SHTN1: variants seen among roughly 807,000 people sequenced by gnomAD.
The protein encoded by SHTN1 is shootin 1.
SHTN1 carries 42 observed loss-of-function variants against 83.1 expected under a neutral mutation model. That is an observed-to-expected ratio of 0.51 (90% CI 0.39 to 0.65). SHTN1 has a LOEUF of 0.65. Among genes scored for constraint, SHTN1 ranks in the 30% least tolerant of loss-of-function variants. The pLI, the probability that SHTN1 is intolerant of heterozygous loss-of-function variation, is 0.00. For missense variants in SHTN1, 622 were observed against 737.8 expected, an observed-to-expected ratio of 0.84 and a Z score of 1.82; for synonymous variants, 224 against 247.7, an observed-to-expected ratio of 0.90 and a Z score of 0.90.
intron 3 of SHTN1, among the ~76,000 whole-genome samples, chr10:116,966,752 C>G (rs1850410084): frequency 6.6e-6 from 1 of 152,120 alleles, no homozygotes; most frequent in African/African-American, 2.4e-5. Flanking sequence ...ATTTTATAAG[C>G]CCAACCATAA....
chr10:117,109,122 G>A (rs1853722250), intron 1 of SHTN1, among the ~76,000 whole-genome samples: 2 of 152,162 alleles, frequency 1.3e-5, no homozygotes, highest in Non-Finnish European at 2.9e-5. Context: ...CCTTGATTGC[G>A]CATTGTAATC....
upstream of SHTN1, chr10:117,005,667 C>G: frequency 7.4e-6 from 6 of 814,292 alleles, no homozygotes; most frequent in Non-Finnish European, 8.9e-6. Context: ...CAGGGGCGGG[C>G]CCAGGGTGGT....
At chr10:117,044,612 A>C (rs560767466) in intron 2 of SHTN1, among the ~76,000 whole-genome samples, 1 of 152,284 alleles carries the variant, frequency 6.6e-6, no homozygotes, top group South Asian at 2.1e-4. Flanking sequence ...GGGAGTCTAT[A>C]AGTACCCAAA....
At chr10:117,000,478 C>A (rs935889097) in intron 1 of SHTN1, among the ~76,000 whole-genome samples, 1 of 152,100 alleles carries the variant, frequency 6.6e-6, no homozygotes, top group African/African-American at 2.4e-5. Context: ...GCTTTAAAAC[C>A]AATTACCTCA....
chr10:117,089,857 A>T, intron 1 of SHTN1, among the ~76,000 whole-genome samples: 1 of 152,210 alleles, frequency 6.6e-6, no homozygotes, highest in East Asian at 1.9e-4. Context: ...CAAACCCACA[A>T]TGAAACACCA....
At chr10:116,985,483 T>G (rs572622958) in intron 1 of SHTN1, among the ~76,000 whole-genome samples, 2 of 152,258 alleles carry the variant, frequency 1.3e-5, no homozygotes, top group Admixed American at 1.3e-4. Context: ...CTATCCAGAT[T>G]CCCATATCTA....
chr10:116,926,141 C>G (rs1265431514), intron 11 of SHTN1, among the ~76,000 whole-genome samples: 1 of 152,128 alleles, frequency 6.6e-6, no homozygotes, highest in African/African-American at 2.4e-5. Context: ...TAGTCCTGAA[C>G]ATTCGTTTCT....
chr10:116,925,085 G>A (rs976592375), intron 11 of SHTN1, among the ~76,000 whole-genome samples: 4 of 152,112 alleles, frequency 2.6e-5, no homozygotes, highest in Admixed American at 1.3e-4. Flanking sequence ...AGAGGTGTTC[G>A]TCATGTCCAC....
intron 1 of SHTN1, among the ~76,000 whole-genome samples, chr10:117,087,535 CA>C (rs1472702742): frequency 1.3e-5 from 2 of 151,906 alleles, no homozygotes; most frequent in African/African-American, 4.8e-5. Context: ...TATACACATA[CA>C]AAAAGGAAAA....
chr10:117,024,670 T>C (rs910757247), intron 2 of SHTN1, among the ~76,000 whole-genome samples: 88 of 152,240 alleles, frequency 5.8e-4, no homozygotes, highest in Non-Finnish European at 1.0e-3. Context: ...CATGTAAATT[T>C]TACCTTAAAG....
At chr10:117,117,510 T>G (rs933607905) in intron 1 of SHTN1, among the ~76,000 whole-genome samples, 10 of 152,138 alleles carry the variant, frequency 6.6e-5, no homozygotes, top group African/African-American at 2.4e-4. Flanking sequence ...AAAATACCAA[T>G]GACATTCTTC....
At chr10:116,945,602 A>C (rs1443366203) in intron 7 of SHTN1, among the ~76,000 whole-genome samples, 2 of 152,236 alleles carry the variant, frequency 1.3e-5, no homozygotes, top group Admixed American at 1.3e-4. Context: ...TTAGGAATCA[A>C]GGAAATGCAG....
intron 8 of SHTN1, among the ~76,000 whole-genome samples, chr10:116,944,721 T>C (rs192254831): frequency 7.6e-4 from 116 of 151,916 alleles, no homozygotes; most frequent in African/African-American, 2.7e-3. Context: ...TGAAACCCCA[T>C]CTCTAATAAA....
intron 1 of SHTN1, among the ~76,000 whole-genome samples, chr10:117,098,391 C>A (rs1853538360): frequency 1.0e-5 from 1 of 99,414 alleles, no homozygotes. Context: ...AGGGACACTC[C>A]GTCTCAAAAA....
chr10:116,887,765 CACCTAGCACAGA>C (rs1436367342), intron 16 of SHTN1, among the ~76,000 whole-genome samples: 113 of 152,274 alleles, frequency 7.4e-4, no homozygotes, highest in East Asian at 7.7e-4. Context: ...CTATCCCCAG[CACCTAGCACAGA>C]TGCATTTGTG....
At chr10:117,052,937 G>A (rs1013226933) in intron 1 of SHTN1, among the ~76,000 whole-genome samples, 53 of 142,838 alleles carry the variant, frequency 3.7e-4, no homozygotes, top group African/African-American at 1.1e-3. Flanking sequence ...GGAGAATGGC[G>A]TGAACCTAGG....
intron 1 of SHTN1, among the ~76,000 whole-genome samples, chr10:117,091,032 A>T (rs1249803787): frequency 6.6e-6 from 1 of 152,166 alleles, no homozygotes; most frequent in Non-Finnish European, 1.5e-5. Context: ...GTGTGGTAGC[A>T]CTAAATTATC....
At chr10:116,983,839 A>G (rs1851134090) in intron 1 of SHTN1, among the ~76,000 whole-genome samples, 1 of 152,178 alleles carries the variant, frequency 6.6e-6, no homozygotes, top group African/African-American at 2.4e-5. Flanking sequence ...AGAATGGAAG[A>G]AAAAGGAAGA....
intron 1 of SHTN1, among the ~76,000 whole-genome samples, chr10:117,124,454 A>C (rs956215156): frequency 1.3e-5 from 2 of 152,146 alleles, no homozygotes; most frequent in African/African-American, 4.8e-5. Flanking sequence ...TTGATTCTCC[A>C]TGTCTCAGGC....
Sources: gnomAD v4.1 joint callset for allele counts (sites outside exome capture counted in the v4.1 genomes callset) on GRCh38, gnomAD v4.1.1 for gene constraint, MANE v1.5 for transcripts, NCBI Gene and HGNC (gene_info 2026-07-23, HGNC 2026-07-21) for gene names.